The following MCFD2 variants were observed in gnomAD, a reference collection of about 807,000 sequenced individuals.
The protein encoded by MCFD2 is multiple coagulation factor deficiency protein 2.
In MCFD2, 11 loss-of-function variants were observed where a neutral mutation model predicts 12.8. The ratio of observed to expected loss-of-function variants is 0.86; its 90% confidence interval spans 0.54 to 1.42. The LOEUF is 1.42. MCFD2 is among the 40% of genes most tolerant of loss of function. MCFD2 has a pLI of 0.00. For synonymous variants in MCFD2, 70 were observed against 68.1 expected (o/e 1.03, Z -0.14); for missense variants, 191 against 178.6 (o/e 1.07, Z -0.40).
intron 1 of MCFD2, chr2:46,912,454 C>T (rs1402453238): frequency 6.6e-6 from 1 of 152,272 alleles, no homozygotes; most frequent in Non-Finnish European, 1.5e-5. Context: ...AGCAGAACAA[C>T]TTGTTCTGAC....
intron 1 of MCFD2, among the ~76,000 whole-genome samples, chr2:46,939,662 C>A (rs892670107): frequency 2.6e-5 from 4 of 152,190 alleles, no homozygotes; most frequent in Non-Finnish European, 5.9e-5. Context: ...CTCTTATCAA[C>A]CCTGCTGTTC....
intron 1 of MCFD2, among the ~76,000 whole-genome samples, chr2:46,932,428 C>T (rs893584117): frequency 4.6e-5 from 7 of 152,118 alleles, no homozygotes; most frequent in African/African-American, 1.4e-4. Context: ...GGATTACAGG[C>T]GTAAGCCATT....
chr2:46,910,577 G>A (rs1472236351), intron 1 of MCFD2, among the ~76,000 whole-genome samples: 1 of 152,180 alleles, frequency 6.6e-6, no homozygotes, highest in Non-Finnish European at 1.5e-5. Flanking sequence ...AGGTAGAGGT[G>A]TTATAGTCCC....
chr2:46,938,714 C>A (rs1670100864), intron 1 of MCFD2, among the ~76,000 whole-genome samples: 1 of 152,082 alleles, frequency 6.6e-6, no homozygotes, highest in Admixed American at 6.6e-5. Context: ...TTCATACCTG[C>A]AATCAAAGCA....
intron 3 of MCFD2, among the ~76,000 whole-genome samples, chr2:46,906,706 T>A (rs1310889395): frequency 6.6e-6 from 1 of 152,044 alleles, no homozygotes; most frequent in East Asian, 1.9e-4. Flanking sequence ...CAGGTTGGTC[T>A]TGAACTCCTG....
chr2:46,926,541 C>G (rs1669392797), intron 1 of MCFD2, among the ~76,000 whole-genome samples: 3 of 152,196 alleles, frequency 2.0e-5, no homozygotes, highest in Admixed American at 6.5e-5. Flanking sequence ...TGGACCACAG[C>G]CGAATGTCAA....
chr2:46,924,697 G>C (rs916987790), intron 1 of MCFD2, among the ~76,000 whole-genome samples: 1 of 152,132 alleles, frequency 6.6e-6, no homozygotes, highest in Non-Finnish European at 1.5e-5. Flanking sequence ...TGCGATCTCA[G>C]CACACTGCAG....
rs1269197940 is a variant in MCFD2 at position 46,931,523 on chromosome 2, C to T, written c.-8+10049G>A. On this transcript the variant is annotated intron_variant, in intron 1 of 2. Transcript: ENST00000409147. ...CTTTCTAAGAGGGAAACAGGAGGGTCAGAGTCAGAGTAGAGGTGCCCATGG... is the reference window on the plus strand; with the variant it reads ...CTTTCTAAGAGGGAAACAGGAGGGTTAGAGTCAGAGTAGAGGTGCCCATGG... Among the ~76,000 whole-genome samples the T allele has an allele frequency of 1.3e-5, 2 of 149,672 alleles. 1 individual carries two copies. The highest frequency in any genetic ancestry group is 3.9e-4 in the East Asian group (2 of 5,182).
rs567959693 is a variant in MCFD2, at chr2:46,940,876, C to G, written c.-8+696G>C. 5.3e-5 allele frequency among the ~76,000 whole-genome samples: 8 copies of G among 152,178 alleles called. No individual in the cohort carries two copies. The East Asian group carries it at 1.6e-3, about 30-fold the overall frequency. On this transcript the variant is annotated intron_variant, in intron 1 of 2. Coordinates refer to the MCFD2 transcript ENST00000409147. This position sits in a 1 kb window ranked among gnomAD's most constrained non-coding sequence, Gnocchi z 4.7. ...GGCCGGCCTCTCCCCATTTTTGTGACGTGTCAGGGGCAGCAGCGGTGACGG... is the reference window on the plus strand; with the variant it reads ...GGCCGGCCTCTCCCCATTTTTGTGAGGTGTCAGGGGCAGCAGCGGTGACGG...
chr2:46,930,191 A>G (rs1669617218), intron 1 of MCFD2, among the ~76,000 whole-genome samples: 2 of 152,194 alleles, frequency 1.3e-5, no homozygotes, highest in South Asian at 4.1e-4. Flanking sequence ...GGAAAGCAAC[A>G]TGTAATAGAG....
chr2:46,935,444 A>G (rs1669931875), intron 1 of MCFD2, among the ~76,000 whole-genome samples: 1 of 152,160 alleles, frequency 6.6e-6, no homozygotes, highest in East Asian at 1.9e-4. Flanking sequence ...ACAGACCCCA[A>G]CACTTCATAA....
Position 46,908,936 on chromosome 2 carries a change from G to A in MCFD2, c.149+87C>T, listed in dbSNP as rs1406119058. ...AAGGAGCCATAGAAACAGGAAGAAGGAAAGGAGGACTGAGCATGCCCTTGC... is the reference window on the plus strand; with the variant it reads ...AAGGAGCCATAGAAACAGGAAGAAGAAAAGGAGGACTGAGCATGCCCTTGC... On this transcript the variant is annotated intron_variant, in intron 2 of 3. Transcript: ENST00000319466. This position sits in a 1 kb window ranked among gnomAD's most constrained non-coding sequence, Gnocchi z 4.5. 3.3e-6 allele frequency: 5 copies of A among 1,537,376 alleles called. No homozygotes were observed. The Admixed American group carries it at 5.0e-5, about 15-fold the overall frequency.
Position 46,941,586 on chromosome 2 carries a change from C to CGA in MCFD2, c.-24_-23dup, listed in dbSNP as rs780246958. On this transcript the variant is annotated 5_prime_UTR_variant, in exon 1 of 3. Transcript: ENST00000409147. This position sits in a 1 kb window ranked among gnomAD's most constrained non-coding sequence, Gnocchi z 4.2. ...ACGGCTCCTACCTGAAGGTGGAGAG[C>CGA]GAGCTGGAGCGCTGCCGCGCCGAGG... is the stretch of plus-strand genomic sequence containing the variant. 1 of 1,556,988 alleles carries CGA rather than the reference C, an allele frequency of 6.4e-7. No homozygotes were observed. Among genetic ancestry groups the CGA allele is most frequent in the African/African-American group, 1.4e-5 (1 of 73,386 alleles).
At chr2:46,915,958 C>T (rs1030659300), upstream of MCFD2, 8 of 985,306 alleles carry the variant, frequency 8.1e-6, no homozygotes, top group Non-Finnish European at 9.6e-6. Context: ...CCAGCACTGG[C>T]GGGACTGACG....
chr2:46,936,119 A>G (rs1669965362), intron 1 of MCFD2, among the ~76,000 whole-genome samples: 1 of 152,122 alleles, frequency 6.6e-6, no homozygotes, highest in Non-Finnish European at 1.5e-5. Flanking sequence ...TAAGAAATAA[A>G]TATATTTGCT....
At position 46,908,019 on chromosome 2, in the gene MCFD2, G is replaced by A. The variant is rs764621175; in HGVS notation, c.150-50C>T. 6 of 1,604,462 alleles carry A rather than the reference G, an allele frequency of 3.7e-6. No homozygotes were observed. Among genetic ancestry groups the A allele is most frequent in the South Asian group, 1.1e-5 (1 of 90,864 alleles). On this transcript the variant is annotated intron_variant, in intron 2 of 3. Coordinates refer to ENST00000319466, the MANE Select transcript of MCFD2 (RefSeq NM_139279.6). The surrounding 1 kb of genome is among the most constrained non-coding windows in gnomAD (Gnocchi z 4.5). ...GCCAATTGACAGATACTGGGATCAT[G>A]CTGAAATCTTAAGGACTCTGAAAAG...
Position 46,903,230 on chromosome 2 carries a change from CTT to C in MCFD2, c.*2231_*2232del, listed in dbSNP as rs952944137. 3 of 156,046 alleles carry C rather than the reference CTT, an allele frequency of 1.9e-5. No homozygotes were observed. Among genetic ancestry groups the C allele is most frequent in the African/African-American group, 7.2e-5 (3 of 41,530 alleles). 9.7% of individuals were successfully genotyped at this position (156,046 alleles called of 1,614,324 possible). On this transcript the variant is annotated 3_prime_UTR_variant, in exon 4 of 4. Coordinates refer to ENST00000319466, the MANE Select transcript of MCFD2 (RefSeq NM_139279.6). ...TTTCTTGCCACAATGTAAGAAGTGT[CTT>C]TTGCCTCCCACCATGATTCTGAGGC...
intron 1 of MCFD2, among the ~76,000 whole-genome samples, chr2:46,923,463 C>T (rs1669213596): frequency 6.6e-6 from 1 of 152,182 alleles, no homozygotes; most frequent in South Asian, 2.1e-4. Flanking sequence ...AAAACAGGGT[C>T]AAAGACCAAA....
chr2:46,909,262 A>T (rs1414502280), intron 1 of MCFD2, 85 bp from the exon 2 acceptor site: 1 of 1,452,264 alleles, frequency 6.9e-7, no homozygotes, highest in East Asian at 2.5e-5. Context: ...GATCCTGGGA[A>T]ACCTGATGAA....
Sources: allele counts gnomAD v4.1 joint callset (sites outside exome capture counted in the v4.1 genomes callset), GRCh38; gene constraint gnomAD v4.1.1; non-coding constraint Gnocchi (gnomAD v3.1); transcripts MANE v1.5; gene names NCBI Gene and HGNC (gene_info 2026-07-23, HGNC 2026-07-21).